The following BMPR1B variants were observed in gnomAD, a reference collection of about 807,000 sequenced individuals.
BMPR1B encodes the protein bone morphogenetic protein receptor type-1B.
Under a neutral mutation model 59.1 loss-of-function variants are expected in BMPR1B, and 12 were observed. The ratio of observed to expected loss-of-function variants is 0.20; its 90% CI spans 0.13 to 0.33. The LOEUF (loss-of-function observed/expected upper bound fraction) is 0.33. Ranked by LOEUF, BMPR1B falls within the 10% of genes least tolerant of loss-of-function variation. BMPR1B has a pLI of 1.00. For missense variants in BMPR1B, 550 were observed against 610.9 expected (o/e 0.90, Z 1.05); for synonymous variants, 237 against 207.3 (o/e 1.14, Z -1.23).
chr4:94,828,122 G>C (rs959808463), intron 1 of BMPR1B, among the ~76,000 whole-genome samples: 5 of 152,154 alleles, frequency 3.3e-5, no homozygotes, highest in Non-Finnish European at 5.9e-5. Flanking sequence ...AAATAAAGGT[G>C]AATTTGTGGC....
At chr4:94,974,691 TC>T (rs1282035017) in intron 2 of BMPR1B, among the ~76,000 whole-genome samples, 1 of 152,230 alleles carries the variant, frequency 6.6e-6, no homozygotes, top group Non-Finnish European at 1.5e-5. Flanking sequence ...AGGTTAGTCT[TC>T]CCAGCTGTAT....
intron 10 of BMPR1B, 53 bp from the exon 11 acceptor site, chr4:95,148,695 G>A (rs980868040): frequency 7.3e-5 from 115 of 1,568,604 alleles, no homozygotes; most frequent in Non-Finnish European, 8.9e-5. Context: ...ACCTTGATTC[G>A]TTTTTGTTGG....
chr4:94,855,246 C>T lies in BMPR1B; in HGVS notation c.-182-20585C>T, dbSNP rs114818334. Among the ~76,000 whole-genome samples the T allele has an allele frequency of 6.6e-3, 1,010 of 152,216 alleles. 10 individuals are homozygous for T. The highest frequency in any genetic ancestry group is 0.023 in the African/African-American group (942 of 41,542). Reference sequence around the variant, plus strand: ...TAACAGTTATTATGTTACTTGCCTTCTCTCTCATTTTAAGTCTCATAACCA... The same window carrying T: ...TAACAGTTATTATGTTACTTGCCTTTTCTCTCATTTTAAGTCTCATAACCA... On this transcript the variant is annotated intron_variant, in intron 1 of 12. Coordinates refer to ENST00000515059, the MANE Select transcript of BMPR1B (RefSeq NM_001203.3).
intron 1 of BMPR1B, among the ~76,000 whole-genome samples, chr4:94,810,958 T>A (rs1414632101): frequency 1.3e-5 from 2 of 152,142 alleles, no homozygotes; most frequent in Non-Finnish European, 2.9e-5. Flanking sequence ...GGGTAGAAAA[T>A]GTACTGGTTA....
At chr4:94,800,403 A>G (rs558087056) in intron 1 of BMPR1B, among the ~76,000 whole-genome samples, 1 of 151,610 alleles carries the variant, frequency 6.6e-6, no homozygotes, top group Non-Finnish European at 1.5e-5. Flanking sequence ...AATTATTTAG[A>G]TATTTACTTA....
At chr4:95,125,234 C>T in intron 8 of BMPR1B, 113 bp downstream of exon 8, 3 of 1,366,096 alleles carry the variant, frequency 2.2e-6, no homozygotes, top group Non-Finnish European at 2.1e-6. Context: ...AAGCTCTATG[C>T]AGTCTGTTGG....
In BMPR1B at chr4:94,805,230, C is replaced by T. The variant is rs141492133; in HGVS notation, c.-183+47162C>T. Among the ~76,000 whole-genome samples, 659 of 152,124 alleles carry T rather than the reference C, an allele frequency of 4.3e-3. 5 individuals carry two copies. The highest frequency in any genetic ancestry group is 0.015 in the African/African-American group (633 of 41,482). ...AACAGTTTTAGGATCATGTAGTGAGCGCTAGAATATAATTTTATCTTTATT... is the reference window on the plus strand; with the variant it reads ...AACAGTTTTAGGATCATGTAGTGAGTGCTAGAATATAATTTTATCTTTATT... On this transcript the variant is annotated intron_variant, in intron 1 of 12. Coordinates refer to ENST00000515059, the MANE Select transcript of BMPR1B (RefSeq NM_001203.3).
chr4:94,841,369 C>G (rs35435113), intron 1 of BMPR1B, among the ~76,000 whole-genome samples: 10 of 150,396 alleles, frequency 6.6e-5, no homozygotes, highest in African/African-American at 2.2e-4. Flanking sequence ...GCCTCGCTGC[C>G]GCCTTGCAGT....
chr4:94,949,876 A>C (rs183719218), intron 2 of BMPR1B, among the ~76,000 whole-genome samples: 324 of 152,342 alleles, frequency 2.1e-3, no homozygotes, highest in African/African-American at 7.4e-3. Flanking sequence ...ATTGTCTTCC[A>C]TAATGGTTGA....
At chr4:94,890,874 G>A (rs557618896) in intron 2 of BMPR1B, among the ~76,000 whole-genome samples, 1 of 152,112 alleles carries the variant, frequency 6.6e-6, no homozygotes, top group African/African-American at 2.4e-5. Context: ...CACATTGGGG[G>A]TTAGGACTTT....
intron 2 of BMPR1B, among the ~76,000 whole-genome samples, chr4:94,926,850 A>G (rs1728908784): frequency 6.6e-6 from 1 of 152,176 alleles, no homozygotes; most frequent in Non-Finnish European, 1.5e-5. Context: ...AAATTAACTT[A>G]TGTGTTGACC....
intron 10 of BMPR1B, among the ~76,000 whole-genome samples, chr4:95,139,852 G>A (rs1734089692): frequency 6.6e-6 from 1 of 152,178 alleles, no homozygotes; most frequent in South Asian, 2.1e-4. Flanking sequence ...CCTTGGCTAG[G>A]AAAGGGAATT....
chr4:95,132,303 T>C lies in BMPR1B; in HGVS notation c.1076+791T>C, dbSNP rs539154682. ...CATTAATAAATGTTGGATCATCTTG[T>C]GGATTTTTCTAAGTAAGACTCTGTA... On this transcript the variant is annotated intron_variant, in intron 10 of 12. Coordinates refer to ENST00000515059, the MANE Select transcript of BMPR1B (RefSeq NM_001203.3). 2.0e-5 allele frequency among the ~76,000 whole-genome samples: 3 copies of C among 152,198 alleles called. No homozygotes were observed. The South Asian group carries it at 6.2e-4, about 32-fold the overall frequency.
intron 2 of BMPR1B, among the ~76,000 whole-genome samples, chr4:94,954,951 A>G (rs1730085830): frequency 6.6e-6 from 1 of 152,162 alleles, no homozygotes; most frequent in African/African-American, 2.4e-5. Context: ...TCACATTCAC[A>G]GTCTGTCTCC....
At chr4:95,053,785 A>G (rs1347856744) in intron 3 of BMPR1B, among the ~76,000 whole-genome samples, 2 of 152,180 alleles carry the variant, frequency 1.3e-5, no homozygotes, top group Non-Finnish European at 2.9e-5. Flanking sequence ...GTAACTTTCT[A>G]TAAAGTACAC....
intron 3 of BMPR1B, among the ~76,000 whole-genome samples, chr4:95,080,292 A>G (rs1187970005): frequency 6.6e-6 from 1 of 152,144 alleles, no homozygotes; most frequent in Non-Finnish European, 1.5e-5. Flanking sequence ...GATGGAGTGC[A>G]GTGGTACGAT....
chr4:94,976,552 G>T (rs943420917), intron 2 of BMPR1B, among the ~76,000 whole-genome samples: 6 of 152,114 alleles, frequency 3.9e-5, no homozygotes, highest in Admixed American at 1.3e-4. Context: ...TTCCATTACT[G>T]CATTAGTTTC....
intron 1 of BMPR1B, among the ~76,000 whole-genome samples, chr4:94,829,583 G>C (rs1235434088): frequency 6.6e-6 from 1 of 152,072 alleles, no homozygotes; most frequent in Non-Finnish European, 1.5e-5. Context: ...TTATTTATTG[G>C]GTCCTTAGTA....
intron 6 of BMPR1B, among the ~76,000 whole-genome samples, chr4:95,119,675 T>A (rs531156096): frequency 1.3e-5 from 2 of 152,290 alleles, no homozygotes; most frequent in South Asian, 2.1e-4. Context: ...TTTATTCATA[T>A]AATAACTGCT....
Sources: gnomAD v4.1 joint callset for allele counts (sites outside exome capture counted in the v4.1 genomes callset) on GRCh38, gnomAD v4.1.1 for gene constraint, MANE v1.5 for transcripts, NCBI Gene and HGNC (gene_info 2026-07-23, HGNC 2026-07-21) for gene names.